Variants in IFT88 observed in about 807,000 individuals in gnomAD.
IFT88 encodes intraflagellar transport 88.
Under a neutral mutation model 119.5 loss-of-function variants are expected in IFT88, and 74 were observed. The ratio of observed to expected loss-of-function variants is 0.62; its 90% CI spans 0.51 to 0.75. IFT88 has a LOEUF of 0.75. Among genes scored for constraint, IFT88 ranks in the 30% least tolerant of loss-of-function variants. The pLI, the probability that IFT88 is intolerant of heterozygous loss-of-function variation, is 0.00. For synonymous variants in IFT88, 279 were observed against 316.7 expected, an observed-to-expected ratio of 0.88 and a Z score of 1.26; for missense variants, 961 against 977.7, an observed-to-expected ratio of 0.98 and a Z score of 0.23.
chr13:20,599,353 T>G (rs1322069397), intron 10 of IFT88, 98 bp from the exon 11 acceptor site: 1 of 555,702 alleles, frequency 1.8e-6, no homozygotes, highest in African/African-American at 2.0e-5. Context: ...ACTTCATAAC[T>G]GAGAAATGCT....
intron 9 of IFT88, among the ~76,000 whole-genome samples, chr13:20,598,094 G>A (rs1346021813): frequency 6.6e-6 from 1 of 152,044 alleles, no homozygotes; most frequent in Non-Finnish European, 1.5e-5. Flanking sequence ...GGAAAAAAAG[G>A]GCGTTTGAAA....
intron 1 of IFT88, among the ~76,000 whole-genome samples, chr13:20,569,489 CG>C (rs2035779430): frequency 6.6e-6 from 1 of 151,428 alleles, no homozygotes. Context: ...AGGAGAATGG[CG>C]TGAACTCGGG....
Position 20,578,011 on chromosome 13 carries a change from T to C in IFT88, c.90+3536T>C, listed in dbSNP as rs916805897. On this transcript the variant is annotated intron_variant, in intron 2 of 25. Coordinates refer to ENST00000351808, the MANE Select transcript of IFT88 (RefSeq NM_006531.5). ...CTTTTCTTTGCTGGGAGACTTTTTA[T>C]TGTGGCTTCAGTCTTGTTACTTCTT... 4.6e-5 allele frequency among the ~76,000 whole-genome samples: 7 copies of C among 151,704 alleles called. No individual in the cohort carries two copies. In the East Asian group the frequency reaches 1.4e-3, roughly 29 times the overall value.
chr13:20,641,320 A>G lies in IFT88; in HGVS notation c.1604A>G (p.Asp535Gly). 4 of 1,611,036 alleles carry G rather than the reference A, an allele frequency of 2.5e-6. No homozygotes were observed. Among genetic ancestry groups the G allele is most frequent in the Middle Eastern group, 1.7e-4 (1 of 6,050 alleles). Residue 535 changes from aspartate (D) to glycine (G), a missense_variant, in exon 18 of 26, where the codon GAT (aspartate) becomes GGT (glycine). Transcript: ENST00000351808. Reference sequence around the variant, plus strand: ...ACCTATGAGAAACTAAATCGGCTAGATGAGGCTTTGGACTGTTTCCTGAAA... The same window carrying G: ...ACCTATGAGAAACTAAATCGGCTAGGTGAGGCTTTGGACTGTTTCCTGAAA... ...GLTYEKLNRL[D>G]EALDCFLKLH...
chr13:20,573,211 A>G (rs188459440), intron 1 of IFT88, among the ~76,000 whole-genome samples: 1 of 152,214 alleles, frequency 6.6e-6, no homozygotes, highest in African/African-American at 2.4e-5. Context: ...TAATCTAACA[A>G]TGGCACTGTC....
At chr13:20,622,466 G>A (rs1040603391) in intron 14 of IFT88, among the ~76,000 whole-genome samples, 2 of 152,162 alleles carry the variant, frequency 1.3e-5, no homozygotes, top group Non-Finnish European at 2.9e-5. Flanking sequence ...AGAATTTCTG[G>A]GGTGCCACAT....
chr13:20,582,817 T>C, intron 2 of IFT88, 140 bp from the exon 3 acceptor site: 1 of 590,162 alleles, frequency 1.7e-6, no homozygotes, highest in Non-Finnish European at 3.0e-6. Flanking sequence ...AGTGGGGAGA[T>C]TTGAGGTAGG....
chr13:20,638,847 GA>G (rs1173638111), intron 17 of IFT88, among the ~76,000 whole-genome samples: 1 of 152,116 alleles, frequency 6.6e-6, no homozygotes, highest in Non-Finnish European at 1.5e-5. Context: ...TCATAGATGG[GA>G]AAAAATCCCA....
chr13:20,634,718 A>C (rs2048735698), intron 16 of IFT88, among the ~76,000 whole-genome samples: 1 of 146,878 alleles, frequency 6.8e-6, no homozygotes, highest in Non-Finnish European at 1.5e-5. Flanking sequence ...ACAGAACGAG[A>C]CTCCATCTCA....
intron 13 of IFT88, chr13:20,607,581 A>T: frequency 2.7e-6 from 2 of 742,210 alleles, no homozygotes. Flanking sequence ...AGATTTGCGG[A>T]TCCACCATCT....
chr13:20,592,510 C>T, intron 7 of IFT88, 106 bp downstream of exon 7: 1 of 761,902 alleles, frequency 1.3e-6, no homozygotes, highest in Non-Finnish European at 2.1e-6. Context: ...CACTCTGTTG[C>T]CCAGGCTGGA....
chr13:20,686,848 A>G (rs1253032599), intron 24 of IFT88, among the ~76,000 whole-genome samples: 1 of 151,988 alleles, frequency 6.6e-6, no homozygotes, highest in African/African-American at 2.4e-5. Context: ...AATTTTCACC[A>G]AAGTTTATGT....
At position 20,641,394 on chromosome 13, in the gene IFT88, A is replaced by G. The variant is rs748111385; in HGVS notation, c.1678A>G (p.Asn560Asp). 3.1e-6 allele frequency: 5 copies of G among 1,591,592 alleles called. No homozygotes were observed. Among genetic ancestry groups the G allele is most frequent in the Admixed American group, 1.7e-5 (1 of 59,816 alleles). Residue 560 changes from asparagine to aspartate, a missense_variant, in exon 18 of 26, where the codon AAT becomes GAT. Coordinates refer to ENST00000351808, the MANE Select transcript of IFT88 (RefSeq NM_006531.5). Reference protein sequence around the residue: ...NSAEVLYQIANIYELMENPSQ... With the variant: ...NSAEVLYQIADIYELMENPSQ... ...TGCCGAAGTTCTTTACCAGATAGCA[A>G]ATATGTATCTTATTTGAAAACCTTA...
Position 20,638,425 on chromosome 13 carries a change from GT to G in IFT88, c.1485del (p.Phe495LeufsTer17). On this transcript the variant is annotated frameshift_variant, in exon 17 of 26. Transcript: ENST00000351808. LOFTEE classifies it high-confidence loss of function. ...AGCTCTTACTAATAAAGGGAATACA[GT>G]TTTTGCAAATGGTGATTATGAGAAG... ...PAALTNKGNT[V>X]FANGDYEKAA... The G allele has an allele frequency of 2.6e-6, 4 of 1,531,004 alleles. No homozygotes were observed. In the South Asian group the frequency reaches 4.1e-5, roughly 16 times the overall value. 94.8% of individuals were successfully genotyped at this position (1,531,004 alleles called of 1,614,324 possible).
intron 15 of IFT88, among the ~76,000 whole-genome samples, chr13:20,626,379 ATACTT>A (rs1462219269): frequency 6.6e-6 from 1 of 151,982 alleles, no homozygotes; most frequent in Non-Finnish European, 1.5e-5. Flanking sequence ...TAAAATGTAA[ATACTT>A]TCTTTGTATA....
intron 23 of IFT88, among the ~76,000 whole-genome samples, chr13:20,664,701 A>C (rs936053518): frequency 1.3e-5 from 2 of 152,182 alleles, no homozygotes; most frequent in African/African-American, 4.8e-5. Context: ...GAATATTTTA[A>C]ATATGAAAAA....
intron 25 of IFT88, 76 bp from the exon 26 acceptor site, chr13:20,690,978 A>T: frequency 1.3e-6 from 2 of 1,543,488 alleles, no homozygotes. Context: ...ATTCATTTTG[A>T]CTATGAGCCT....
intron 23 of IFT88, among the ~76,000 whole-genome samples, chr13:20,670,027 G>T (rs970381260): frequency 3.9e-5 from 6 of 152,080 alleles, no homozygotes; most frequent in African/African-American, 1.4e-4. Flanking sequence ...TTTCTTCCTA[G>T]CAAACCACAG....
intron 11 of IFT88, among the ~76,000 whole-genome samples, chr13:20,600,859 C>T (rs73431370): frequency 1.4e-4 from 22 of 152,150 alleles, no homozygotes; most frequent in South Asian, 2.1e-4. Flanking sequence ...AGAAACAAGA[C>T]GAATGTCTAC....
Sources: allele counts gnomAD v4.1 joint callset (sites outside exome capture counted in the v4.1 genomes callset), GRCh38; gene constraint gnomAD v4.1.1; transcripts MANE v1.5; gene names NCBI Gene and HGNC (gene_info 2026-07-23, HGNC 2026-07-21).